Variants in RBFOX1 observed in about 807,000 individuals in gnomAD.
The protein encoded by RBFOX1 is RNA binding fox-1 homolog 1, also known as RNA binding protein fox-1 homolog 1.
In RBFOX1, 8 loss-of-function variants were observed where a neutral mutation model predicts 57.7. The observed-to-expected ratio is 0.14, with a 90% CI of 0.08 to 0.25. The LOEUF (loss-of-function observed/expected upper bound fraction) is 0.25. RBFOX1 is among the 10% of genes least tolerant of loss of function. The probability of loss-of-function intolerance (pLI) is 1.00; values close to 1 mark genes in which losing one functional copy is unlikely to be tolerated. For synonymous variants in RBFOX1, 326 were observed against 222.4 expected, an observed-to-expected ratio of 1.47 and a Z score of -4.15; for missense variants, 611 against 548.5, an observed-to-expected ratio of 1.11 and a Z score of -1.14.
chr16:6,994,646 G>A lies in RBFOX1; in HGVS notation c.-15-57411G>A, dbSNP rs542333788. 2.6e-5 allele frequency among the ~76,000 whole-genome samples: 4 copies of A among 152,308 alleles called. No homozygotes were observed. The East Asian group carries it at 5.8e-4, about 22-fold the overall frequency. ...TGATTACATCAATAATTCAAAGAAA[G>A]TGCCATCCACTTAATCTCTTTTATG... On this transcript the variant is annotated intron_variant, in intron 3 of 15. Coordinates refer to ENST00000550418, the MANE Select transcript of RBFOX1 (RefSeq NM_018723.4).
At chr16:6,397,792 A>G (rs1388680342) in intron 2 of RBFOX1, among the ~76,000 whole-genome samples, 1 of 152,206 alleles carries the variant, frequency 6.6e-6, no homozygotes, top group Admixed American at 6.5e-5. Flanking sequence ...ATGAAGTAGC[A>G]CTGTATTAAT....
intron 1 of RBFOX1, among the ~76,000 whole-genome samples, chr16:6,091,114 A>C (rs746164207): frequency 4.6e-5 from 7 of 152,056 alleles, no homozygotes; most frequent in African/African-American, 1.7e-4. Flanking sequence ...ACTGTTAACT[A>C]TTGTCACCTT....
intron 3 of RBFOX1, among the ~76,000 whole-genome samples, chr16:6,958,263 G>C (rs1229515047): frequency 2.0e-5 from 3 of 152,090 alleles, no homozygotes; most frequent in East Asian, 3.9e-4. Context: ...TAGCAGGCTG[G>C]GCAATGCTTT....
At chr16:7,668,661 A>AACACAC (rs34133804) in intron 13 of RBFOX1, among the ~76,000 whole-genome samples, 13 of 150,346 alleles carry the variant, frequency 8.6e-5, no homozygotes, top group South Asian at 4.2e-4. Flanking sequence ...AACAGAACAG[A>AACACAC]ACACACACAC....
intron 3 of RBFOX1, among the ~76,000 whole-genome samples, chr16:6,918,913 C>A (rs1567876090): frequency 6.6e-6 from 1 of 152,084 alleles, no homozygotes; most frequent in Non-Finnish European, 1.5e-5. Context: ...AGGAAAGTGG[C>A]TGTGATCTAG....
intron 1 of RBFOX1, among the ~76,000 whole-genome samples, chr16:5,306,144 T>C (rs753126164): frequency 2.6e-5 from 4 of 152,182 alleles, no homozygotes; most frequent in Non-Finnish European, 4.4e-5. Context: ...GAGGCTGCGA[T>C]GAGCCAAGGT....
chr16:7,514,881 C>T (rs2076010648), intron 4 of RBFOX1, among the ~76,000 whole-genome samples: 1 of 152,098 alleles, frequency 6.6e-6, no homozygotes, highest in African/African-American at 2.4e-5. Context: ...GATGAAAAGC[C>T]CCAGGGTTAT....
At position 5,353,829 on chromosome 16, in the gene RBFOX1, G is replaced by A. The variant is rs75508754; in HGVS notation, c.220-113387G>A. Among the ~76,000 whole-genome samples the A allele has an allele frequency of 8.1e-3, 1,239 of 152,098 alleles. 11 individuals are homozygous for A. Among genetic ancestry groups the A allele is most frequent in the African/African-American group, 0.029 (1,187 of 41,476 alleles). ...CTTGCTCGCATCCGGTCTCCTGTGG[G>A]GTCCACAAGATGCTGGGATACAGAG... On this transcript the variant is annotated intron_variant, in intron 1 of 2. Transcript: ENST00000585867.
chr16:6,108,741 C>G (rs766499086), intron 1 of RBFOX1, among the ~76,000 whole-genome samples: 2 of 152,102 alleles, frequency 1.3e-5, no homozygotes, highest in Non-Finnish European at 2.9e-5. Flanking sequence ...CCTCTTCTAG[C>G]TTCTGGTGGG....
intron 3 of RBFOX1, among the ~76,000 whole-genome samples, chr16:5,649,911 A>T (rs556304294): frequency 6.6e-6 from 1 of 152,140 alleles, no homozygotes; most frequent in Non-Finnish European, 1.5e-5. Context: ...GAAGCACTTC[A>T]TCAGAGGAGG....
chr16:6,301,239 G>GT (rs1567886575), intron 1 of RBFOX1, among the ~76,000 whole-genome samples: 1 of 152,116 alleles, frequency 6.6e-6, no homozygotes, highest in Non-Finnish European at 1.5e-5. Context: ...GAATAATTCA[G>GT]TATTTCATAT....
intron 3 of RBFOX1, among the ~76,000 whole-genome samples, chr16:6,895,929 A>G (rs954298160): frequency 6.6e-6 from 1 of 152,080 alleles, no homozygotes; most frequent in Non-Finnish European, 1.5e-5. Context: ...TGGTGGGTAC[A>G]TAGTAGGTAT....
intron 4 of RBFOX1, among the ~76,000 whole-genome samples, chr16:7,343,968 C>T (rs918331406): frequency 6.6e-6 from 1 of 152,170 alleles, no homozygotes; most frequent in African/African-American, 2.4e-5. Flanking sequence ...AGCAATACCA[C>T]CACAACCAAC....
intron 3 of RBFOX1, among the ~76,000 whole-genome samples, chr16:5,742,584 C>T (rs138042149): frequency 1.3e-5 from 2 of 152,262 alleles, no homozygotes; most frequent in East Asian, 3.9e-4. Flanking sequence ...TAGATATCCA[C>T]CAGTAGCCTC....
chr16:5,606,924 C>A (rs1322538515), intron 3 of RBFOX1, among the ~76,000 whole-genome samples: 1 of 152,144 alleles, frequency 6.6e-6, no homozygotes, highest in Non-Finnish European at 1.5e-5. Flanking sequence ...TGCCCCAGTG[C>A]TCCATAGTAG....
chr16:6,470,192 T>C (rs2095142159), intron 2 of RBFOX1, among the ~76,000 whole-genome samples: 1 of 152,208 alleles, frequency 6.6e-6, no homozygotes, highest in African/African-American at 2.4e-5. Flanking sequence ...GCTGGCTGTT[T>C]GTCTTAGAGA....
intron 3 of RBFOX1, among the ~76,000 whole-genome samples, chr16:6,961,900 C>A (rs560453005): frequency 2.5e-4 from 38 of 152,288 alleles, no homozygotes; most frequent in Middle Eastern, 6.8e-3. Flanking sequence ...TTCACCACAT[C>A]CTGTTTTATC....
chr16:6,076,506 C>T (rs1050613646), intron 1 of RBFOX1, among the ~76,000 whole-genome samples: 11 of 152,066 alleles, frequency 7.2e-5, no homozygotes, highest in African/African-American at 2.2e-4. Flanking sequence ...CTTGCTCTGT[C>T]ACCCAGGCTG....
At chr16:5,480,939 A>G (rs1357464683) in intron 2 of RBFOX1, among the ~76,000 whole-genome samples, 2 of 152,240 alleles carry the variant, frequency 1.3e-5, no homozygotes, top group African/African-American at 4.8e-5. Flanking sequence ...CAATCTATGT[A>G]GTATATATTC....
Sources: gnomAD v4.1 joint callset for allele counts (sites outside exome capture counted in the v4.1 genomes callset) on GRCh38, gnomAD v4.1.1 for gene constraint, MANE v1.5 for transcripts, NCBI Gene and HGNC (gene_info 2026-07-23, HGNC 2026-07-21) for gene names.